The following PRKG1 variants were observed in gnomAD, a reference collection of about 807,000 sequenced individuals.
PRKG1 encodes cGMP-dependent protein kinase 1.
Under a neutral mutation model 88.1 loss-of-function variants are expected in PRKG1, and 35 were observed. The observed-to-expected ratio is 0.40, with a 90% CI of 0.30 to 0.53. The LOEUF (loss-of-function observed/expected upper bound fraction) is 0.53. PRKG1 is among the 20% of genes least tolerant of loss of function. PRKG1 has a pLI of 0.59. For missense variants in PRKG1, 540 were observed against 839.8 expected, an observed-to-expected ratio of 0.64 and a Z score of 4.41; for synonymous variants, 303 against 292.5, an observed-to-expected ratio of 1.04 and a Z score of -0.37.
At chr10:51,387,084 T>C (rs945341230) in intron 2 of PRKG1, among the ~76,000 whole-genome samples, 1 of 151,986 alleles carries the variant, frequency 6.6e-6, no homozygotes, top group African/African-American at 2.4e-5. Context: ...TTATATAGTT[T>C]TAATTATTTT....
chr10:51,726,487 G>T (rs1842134766), intron 3 of PRKG1, among the ~76,000 whole-genome samples: 1 of 152,154 alleles, frequency 6.6e-6, no homozygotes, highest in African/African-American at 2.4e-5. Context: ...TATTTGGGTG[G>T]CTGCATATGC....
intron 1 of PRKG1, among the ~76,000 whole-genome samples, chr10:51,146,036 A>AAAC: frequency 6.6e-6 from 1 of 151,946 alleles, no homozygotes; most frequent in African/African-American, 2.4e-5. Flanking sequence ...AACAAACAAA[A>AAAC]AAAACAGCCA....
chr10:52,149,386 C>T (rs1055785674), intron 8 of PRKG1, among the ~76,000 whole-genome samples: 2 of 151,996 alleles, frequency 1.3e-5, no homozygotes, highest in Non-Finnish European at 1.5e-5. Context: ...ATTAGACTTC[C>T]TATTAAGGAC....
chr10:51,516,756 A>G (rs973307268), intron 3 of PRKG1, among the ~76,000 whole-genome samples: 9 of 152,352 alleles, frequency 5.9e-5, no homozygotes, highest in African/African-American at 2.2e-4. Flanking sequence ...AATTTTTTCA[A>G]CAAATGATTT....
At chr10:51,265,585 C>T (rs889317080) in intron 2 of PRKG1, among the ~76,000 whole-genome samples, 3 of 151,818 alleles carry the variant, frequency 2.0e-5, no homozygotes, top group Non-Finnish European at 4.4e-5. Context: ...TTCTATGTAA[C>T]GATGTGACCC....
chr10:51,195,710 G>T (rs754948809), intron 2 of PRKG1, among the ~76,000 whole-genome samples: 1 of 152,030 alleles, frequency 6.6e-6, no homozygotes, highest in Admixed American at 6.6e-5. Context: ...ATGGTTGTTC[G>T]GGTATACAAT....
At chr10:51,426,624 T>C (rs1838593485) in intron 2 of PRKG1, among the ~76,000 whole-genome samples, 1 of 152,086 alleles carries the variant, frequency 6.6e-6, no homozygotes, top group Non-Finnish European at 1.5e-5. Flanking sequence ...TCCAATTAAG[T>C]AGACAAAAAT....
chr10:52,028,576 C>G (rs1271639535), intron 5 of PRKG1, among the ~76,000 whole-genome samples: 1 of 152,266 alleles, frequency 6.6e-6, no homozygotes, highest in Non-Finnish European at 1.5e-5. Flanking sequence ...ATAACATGTG[C>G]CTAAGGTTTA....
At chr10:51,277,065 A>C (rs985215053) in intron 2 of PRKG1, among the ~76,000 whole-genome samples, 1 of 151,988 alleles carries the variant, frequency 6.6e-6, no homozygotes, top group East Asian at 1.9e-4. Context: ...GTATTGACTA[A>C]GTTTTCTTCT....
intron 1 of PRKG1, among the ~76,000 whole-genome samples, chr10:51,095,382 C>G (rs1027079325): frequency 2.0e-5 from 3 of 152,060 alleles, no homozygotes; most frequent in Admixed American, 6.6e-5. Context: ...AATCAAATAC[C>G]TAAACGCTGG....
At chr10:51,583,010 A>G (rs527655187) in intron 3 of PRKG1, among the ~76,000 whole-genome samples, 1 of 152,136 alleles carries the variant, frequency 6.6e-6, no homozygotes, top group African/African-American at 2.4e-5. Flanking sequence ...GGCAAGACTT[A>G]TGTTTGTTGG....
chr10:51,870,347 G>A (rs1351954282), intron 4 of PRKG1, among the ~76,000 whole-genome samples: 1 of 151,986 alleles, frequency 6.6e-6, no homozygotes, highest in Non-Finnish European at 1.5e-5. Context: ...TGTTGTCAGA[G>A]TTAAGTCATT....
chr10:52,087,917 G>T (rs531743595), intron 7 of PRKG1, among the ~76,000 whole-genome samples: 1 of 152,176 alleles, frequency 6.6e-6, no homozygotes, highest in Non-Finnish European at 1.5e-5. Flanking sequence ...TAAGGAAACT[G>T]CATGATATGC....
Position 51,670,741 on chromosome 10 carries a change from A to AAAATAAAT in PRKG1, c.593-133804_593-133797dup, listed in dbSNP as rs554289419. The stretch of plus-strand genomic sequence containing the variant: ...ACAGAGCGAGACTCCGTCTCAAAAA[A>AAAATAAAT]AAATAAATAAATAAATAAATAAATA... On this transcript the variant is annotated intron_variant, in intron 3 of 17. Transcript: ENST00000373980. 2.4e-3 allele frequency among the ~76,000 whole-genome samples: 230 copies of AAAATAAAT among 94,584 alleles called. 1 individual carries two copies. Among genetic ancestry groups the AAAATAAAT allele is most frequent in the Middle Eastern group, 5.3e-3 (1 of 188 alleles). The allele number at this position is 94,584 out of a possible 152,430, so 62.1% of individuals were successfully genotyped here. A position where few individuals can be genotyped will look rare whatever the true frequency, so the allele number is the denominator to read the frequency against.
chr10:51,566,498 G>C (rs918450561), intron 3 of PRKG1, among the ~76,000 whole-genome samples: 2 of 152,056 alleles, frequency 1.3e-5, no homozygotes, highest in African/African-American at 4.8e-5. Flanking sequence ...TTGATGTAAT[G>C]GAACTAGCTT....
chr10:51,346,200 T>C (rs1264261546), intron 2 of PRKG1, among the ~76,000 whole-genome samples: 1 of 152,214 alleles, frequency 6.6e-6, no homozygotes, highest in African/African-American at 2.4e-5. Context: ...TAGTGTTCTC[T>C]CATAATTTAT....
chr10:52,174,731 C>T (rs1838810521), intron 9 of PRKG1, among the ~76,000 whole-genome samples: 1 of 151,732 alleles, frequency 6.6e-6, no homozygotes, highest in African/African-American at 2.4e-5. Flanking sequence ...ACACATATTC[C>T]CAGCGACATG....
At chr10:52,231,728 T>G (rs1017755112) in intron 9 of PRKG1, among the ~76,000 whole-genome samples, 1 of 152,202 alleles carries the variant, frequency 6.6e-6, no homozygotes, top group African/African-American at 2.4e-5. Context: ...TAAACGCACA[T>G]GAGAATATAT....
chr10:51,672,384 T>C (rs1489977261), intron 3 of PRKG1, among the ~76,000 whole-genome samples: 1 of 152,128 alleles, frequency 6.6e-6, no homozygotes, highest in Non-Finnish European at 1.5e-5. Flanking sequence ...ATCTGCTTTT[T>C]AATTCATTTT....
Sources: allele counts gnomAD v4.1 joint callset (sites outside exome capture counted in the v4.1 genomes callset), GRCh38; gene constraint gnomAD v4.1.1; transcripts MANE v1.5; gene names NCBI Gene and HGNC (gene_info 2026-07-23, HGNC 2026-07-21).